The following WDR70 variants were observed in gnomAD, a reference collection of about 807,000 sequenced individuals.
WDR70 encodes the protein WD repeat-containing protein 70.
In WDR70, 53 loss-of-function variants were observed where a neutral mutation model predicts 88.6. That is an observed-to-expected ratio of 0.60 (90% CI 0.48 to 0.75). The LOEUF is 0.75. Ranked by LOEUF, WDR70 falls within the 30% of genes least tolerant of loss-of-function variation. The pLI, the probability that WDR70 is intolerant of heterozygous loss-of-function variation, is 0.00. For missense variants in WDR70, 610 were observed against 823.2 expected (o/e 0.74, Z 3.17); for synonymous variants, 280 against 270.0 (o/e 1.04, Z -0.36).
intron 9 of WDR70, among the ~76,000 whole-genome samples, chr5:37,548,456 C>G (rs1238974539): frequency 6.6e-6 from 1 of 152,130 alleles, no homozygotes; most frequent in South Asian, 2.1e-4. Context: ...AATGTCTACT[C>G]AGATCTTTTG....
intron 5 of WDR70, among the ~76,000 whole-genome samples, chr5:37,415,730 T>C (rs62360220): frequency 0.97 from 142,887 of 147,250 alleles, 69,459 homozygotes; most frequent in East Asian, 1. Context: ...GGCTGCCAGG[T>C]GGAGGGGCTC....
intron 10 of WDR70, among the ~76,000 whole-genome samples, chr5:37,693,346 A>C (rs1323904427): frequency 3.9e-5 from 6 of 152,194 alleles, no homozygotes; most frequent in Non-Finnish European, 8.8e-5. Flanking sequence ...TCTTCACAGA[A>C]TTGGAAAAAA....
At chr5:37,583,258 C>G (rs192786520) in intron 9 of WDR70, among the ~76,000 whole-genome samples, 2 of 152,038 alleles carry the variant, frequency 1.3e-5, no homozygotes, top group African/African-American at 2.4e-5. Context: ...AACCCCTTCT[C>G]TACTAAAAAT....
At chr5:37,521,578 A>C (rs1741089526) in intron 9 of WDR70, among the ~76,000 whole-genome samples, 1 of 152,140 alleles carries the variant, frequency 6.6e-6, no homozygotes. Flanking sequence ...TGTGAGTGAG[A>C]AGATGCGATG....
intron 9 of WDR70, among the ~76,000 whole-genome samples, chr5:37,590,474 A>G (rs1743499783): frequency 6.6e-6 from 1 of 152,058 alleles, no homozygotes; most frequent in African/African-American, 2.4e-5. Flanking sequence ...CCAAAAAGCT[A>G]TTTTCACATC....
rs138344507 is a variant in WDR70, at chr5:37,662,529, C to CT, written c.1093-35120dup. Among the ~76,000 whole-genome samples the CT allele has an allele frequency of 7.4e-3, 1,119 of 152,236 alleles. 16 individuals are homozygous for CT. Among genetic ancestry groups the CT allele is most frequent in the African/African-American group, 0.025 (1,051 of 41,534 alleles). ...TTTACTAATAAGTGAGTTACAACAT[C>CT]TTTTTTACTTCAGATTAAGACAGTT... On this transcript the variant is annotated intron_variant, in intron 10 of 17. Coordinates refer to ENST00000265107, the MANE Select transcript of WDR70 (RefSeq NM_018034.4).
At position 37,473,661 on chromosome 5, in the gene WDR70, T is replaced by G. The variant is rs569746513; in HGVS notation, c.687-6173T>G. Among the ~76,000 whole-genome samples, 489 of 152,308 alleles carry G rather than the reference T, an allele frequency of 3.2e-3. 4 individuals carry two copies. Among genetic ancestry groups the G allele is most frequent in the African/African-American group, 0.011 (466 of 41,570 alleles). On this transcript the variant is annotated intron_variant, in intron 7 of 17. Transcript: ENST00000265107. Reference sequence around the variant, plus strand: ...GCCTGGCCTTACATTCTTAATGTTGTCTTTTGATATGTTTTATCAGATACC... The same window carrying G: ...GCCTGGCCTTACATTCTTAATGTTGGCTTTTGATATGTTTTATCAGATACC...
intron 10 of WDR70, among the ~76,000 whole-genome samples, chr5:37,656,866 A>T (rs766578386): frequency 5.9e-5 from 9 of 152,098 alleles, no homozygotes; most frequent in Non-Finnish European, 1.3e-4. Flanking sequence ...AAGCCAGCGG[A>T]TCTTAGCTCA....
At chr5:37,604,983 T>G in intron 9 of WDR70, 81 bp from the exon 10 acceptor site, 1 of 1,326,866 alleles carries the variant, frequency 7.5e-7, no homozygotes, top group Admixed American at 2.9e-5. Context: ...GAAGCAGTCT[T>G]TATGGACTCT....
At chr5:37,564,198 G>A (rs1349724686) in intron 9 of WDR70, among the ~76,000 whole-genome samples, 2 of 151,554 alleles carry the variant, frequency 1.3e-5, no homozygotes, top group East Asian at 2.0e-4. Context: ...AGGTTGTAGC[G>A]AGCCGAGATC....
chr5:37,592,573 G>A (rs552405510), intron 9 of WDR70, among the ~76,000 whole-genome samples: 7 of 152,326 alleles, frequency 4.6e-5, no homozygotes, highest in African/African-American at 1.7e-4. Flanking sequence ...ACTGTGTGTT[G>A]TGTACATGCA....
rs1745686305 is a variant in WDR70 at position 37,660,954 on chromosome 5, G to A, written c.1093-36701G>A. Among the ~76,000 whole-genome samples, 3 of 152,118 alleles carry A rather than the reference G, an allele frequency of 2.0e-5. No individual in the cohort carries two copies. In the South Asian group the frequency reaches 6.2e-4, roughly 32 times the overall value. On this transcript the variant is annotated intron_variant, in intron 10 of 17. Coordinates refer to ENST00000265107, the MANE Select transcript of WDR70 (RefSeq NM_018034.4). ...TTATGTAGCATTTACATTGTATTAG[G>A]ATTATAAATAATCTGGAGATGATTT...
chr5:37,656,408 A>C (rs930624197), intron 10 of WDR70, among the ~76,000 whole-genome samples: 1 of 152,310 alleles, frequency 6.6e-6, no homozygotes, highest in East Asian at 1.9e-4. Flanking sequence ...TCTCCCAGTC[A>C]GGAGACACGG....
At chr5:37,406,441 A>G (rs1749355978) in intron 5 of WDR70, among the ~76,000 whole-genome samples, 1 of 152,238 alleles carries the variant, frequency 6.6e-6, no homozygotes, top group Non-Finnish European at 1.5e-5. Context: ...GATGCAATAT[A>G]GAATCGTGAT....
intron 5 of WDR70, among the ~76,000 whole-genome samples, chr5:37,432,618 G>A (rs1225764479): frequency 6.6e-6 from 1 of 151,452 alleles, no homozygotes; most frequent in Non-Finnish European, 1.5e-5. Flanking sequence ...GGATGGTCTC[G>A]ATCTCCTGAC....
chr5:37,412,061 T>G (rs1407285005), intron 5 of WDR70, among the ~76,000 whole-genome samples: 2 of 152,016 alleles, frequency 1.3e-5, no homozygotes, highest in Non-Finnish European at 2.9e-5. Context: ...AAAAAAAAAT[T>G]CAAGTGGGAA....
intron 8 of WDR70, chr5:37,506,084 T>C: frequency 7.9e-7 from 1 of 1,272,524 alleles, no homozygotes. Flanking sequence ...ATTCAAGATT[T>C]GCACAGTAAA....
intron 9 of WDR70, among the ~76,000 whole-genome samples, chr5:37,552,149 G>C (rs772437989): frequency 6.6e-6 from 1 of 152,084 alleles, no homozygotes; most frequent in Non-Finnish European, 1.5e-5. Context: ...TTTGTTGCAA[G>C]CTTTAAATGT....
chr5:37,558,586 A>G (rs1226772336), intron 9 of WDR70, among the ~76,000 whole-genome samples: 1 of 152,080 alleles, frequency 6.6e-6, no homozygotes, highest in Non-Finnish European at 1.5e-5. Flanking sequence ...TCAGCCTCCT[A>G]AAGTGCTGAG....
Sources: allele counts gnomAD v4.1 joint callset (sites outside exome capture counted in the v4.1 genomes callset), GRCh38; gene constraint gnomAD v4.1.1; transcripts MANE v1.5; gene names NCBI Gene and HGNC (gene_info 2026-07-23, HGNC 2026-07-21).